The following THEMIS variants were observed in gnomAD, a reference collection of about 807,000 sequenced individuals.
The protein encoded by THEMIS is thymocyte selection associated, also known as protein THEMIS.
In THEMIS, 37 loss-of-function variants were observed where a neutral mutation model predicts 52.6. That is an observed-to-expected ratio of 0.70 (90% CI 0.54 to 0.93). The LOEUF is 0.93. THEMIS is among the 40% of genes least tolerant of loss of function. THEMIS has a pLI of 0.00. For synonymous variants in THEMIS, 292 were observed against 272.7 expected (o/e 1.07, Z -0.70); for missense variants, 808 against 763.1 (o/e 1.06, Z -0.69).
intron 4 of THEMIS, among the ~76,000 whole-genome samples, chr6:127,789,989 C>G (rs1315680259): frequency 2.0e-5 from 3 of 152,208 alleles, no homozygotes; most frequent in Admixed American, 6.5e-5. Context: ...CCCTGTCTCA[C>G]CACTCCTATC....
chr6:127,803,407 C>A (rs1747612499), intron 4 of THEMIS, among the ~76,000 whole-genome samples: 1 of 151,610 alleles, frequency 6.6e-6, no homozygotes, highest in African/African-American at 2.4e-5. Context: ...TCTTTTTTTT[C>A]TAAATTTTTC....
chr6:127,901,210 C>T, upstream of THEMIS: 1 of 472,696 alleles, frequency 2.1e-6, no homozygotes, highest in Non-Finnish European at 3.8e-6. Flanking sequence ...GTGGGGTGAA[C>T]AGACACTGCC....
intron 2 of THEMIS, among the ~76,000 whole-genome samples, chr6:127,854,325 C>T (rs947935754): frequency 1.9e-4 from 29 of 151,744 alleles, no homozygotes; most frequent in African/African-American, 7.0e-4. Context: ...GTGACAGAGA[C>T]CCTCTGGCCA....
the THEMIS span, among the ~76,000 whole-genome samples, chr6:127,700,023 C>T: frequency 3.3e-5 from 5 of 151,558 alleles, no homozygotes; most frequent in South Asian, 2.1e-4. Context: ...GATAAACCAC[C>T]GATCAAGTAA....
chr6:127,831,924 T>C (rs1004617243), intron 2 of THEMIS, among the ~76,000 whole-genome samples: 8 of 152,276 alleles, frequency 5.3e-5, no homozygotes, highest in East Asian at 1.9e-4. Context: ...TGTGTGTGTG[T>C]GCGCGTGCCT....
chr6:127,800,643 G>A (rs1777501012), intron 4 of THEMIS, among the ~76,000 whole-genome samples: 1 of 152,158 alleles, frequency 6.6e-6, no homozygotes, highest in Non-Finnish European at 1.5e-5. Context: ...CAGTGGGCTG[G>A]GAAAGGCAGA....
At chr6:127,816,669 G>A (rs1778146695) in intron 3 of THEMIS, among the ~76,000 whole-genome samples, 1 of 152,086 alleles carries the variant, frequency 6.6e-6, no homozygotes, top group Non-Finnish European at 1.5e-5. Flanking sequence ...TATCCTTGCA[G>A]TCAAGTCTCA....
intron 4 of THEMIS, among the ~76,000 whole-genome samples, chr6:127,791,281 C>T (rs1777146622): frequency 6.6e-6 from 1 of 152,146 alleles, no homozygotes; most frequent in African/African-American, 2.4e-5. Context: ...GCAGGTCATC[C>T]CAATATCTGT....
At position 127,869,769 on chromosome 6, in the gene THEMIS, T is replaced by C. The variant is rs1562311981; in HGVS notation, c.92-14581A>G. Among the ~76,000 whole-genome samples, 5 of 152,290 alleles carry C rather than the reference T, an allele frequency of 3.3e-5. No individual in the cohort carries two copies. In the East Asian group the frequency reaches 9.7e-4, roughly 29 times the overall value. On this transcript the variant is annotated intron_variant, in intron 1 of 5. Transcript: ENST00000368248. ...ACCCTCAACAAAAGCCTGTTCTCTT[T>C]AGCCAAAGGGCTAGGAAAGGAACAT...
chr6:127,914,172 A>G (rs113361347), intron 1 of THEMIS, among the ~76,000 whole-genome samples: 2,671 of 152,266 alleles, frequency 0.018, 86 homozygotes, highest in African/African-American at 0.06. Flanking sequence ...TGACTTCAAC[A>G]TGAGGCTAGA....
intron 1 of THEMIS, among the ~76,000 whole-genome samples, chr6:127,878,970 A>T (rs2114418009): frequency 6.6e-6 from 1 of 152,298 alleles, no homozygotes; most frequent in East Asian, 1.9e-4. Flanking sequence ...GTAAGAAGAG[A>T]AATTTCTTAA....
At chr6:127,840,735 G>A (rs1041126839) in intron 2 of THEMIS, among the ~76,000 whole-genome samples, 12 of 151,992 alleles carry the variant, frequency 7.9e-5, no homozygotes, top group Non-Finnish European at 1.5e-4. Flanking sequence ...ATAAACTGTG[G>A]TACATCCAGA....
chr6:127,855,978 G>A (rs546263432), intron 1 of THEMIS, among the ~76,000 whole-genome samples: 1 of 151,944 alleles, frequency 6.6e-6, no homozygotes, highest in East Asian at 1.9e-4. Flanking sequence ...CAGTGAAAAG[G>A]AAACAACCCA....
At chr6:127,720,691 A>C (rs1041319052) in intron 4 of THEMIS, among the ~76,000 whole-genome samples, 2 of 152,052 alleles carry the variant, frequency 1.3e-5, no homozygotes, top group African/African-American at 2.4e-5. Context: ...CCTGTAGACC[A>C]TATATTGCAT....
At chr6:127,884,335 AACTCT>A (rs1002256562) in intron 1 of THEMIS, among the ~76,000 whole-genome samples, 1 of 152,182 alleles carries the variant, frequency 6.6e-6, no homozygotes, top group African/African-American at 2.4e-5. Flanking sequence ...CAGCCCTGAC[AACTCT>A]ACCATTCCTT....
intron 4 of THEMIS, among the ~76,000 whole-genome samples, chr6:127,759,333 CA>C (rs1205649743): frequency 6.6e-6 from 1 of 152,106 alleles, no homozygotes; most frequent in East Asian, 1.9e-4. Context: ...AGGCTGATGA[CA>C]CCAAAATATA....
intron 4 of THEMIS, among the ~76,000 whole-genome samples, chr6:127,788,991 A>G (rs563841167): frequency 1.3e-5 from 2 of 152,274 alleles, no homozygotes; most frequent in African/African-American, 4.8e-5. Context: ...TGAGCAAACA[A>G]GTTCAAAAGC....
intron 3 of THEMIS, among the ~76,000 whole-genome samples, chr6:127,818,883 G>A (rs1778226283): frequency 6.6e-6 from 1 of 151,900 alleles, no homozygotes; most frequent in Non-Finnish European, 1.5e-5. Flanking sequence ...ACTTTGGGAG[G>A]CTGAGGCAGG....
chr6:127,870,329 A>G (rs997614341), intron 1 of THEMIS, among the ~76,000 whole-genome samples: 10 of 152,194 alleles, frequency 6.6e-5, no homozygotes, highest in African/African-American at 2.4e-4. Flanking sequence ...TTCACATAAT[A>G]AGAATCCTCA....
Sources: gnomAD v4.1 joint callset for allele counts (sites outside exome capture counted in the v4.1 genomes callset) on GRCh38, gnomAD v4.1.1 for gene constraint, MANE v1.5 for transcripts, NCBI Gene and HGNC (gene_info 2026-07-23, HGNC 2026-07-21) for gene names.